SPTSSA: variants seen among roughly 807,000 people sequenced by gnomAD.
SPTSSA encodes the protein serine palmitoyltransferase small subunit A.
In SPTSSA, 8 loss-of-function variants were observed where a neutral mutation model predicts 9.1. The observed-to-expected ratio is 0.88, with a 90% CI of 0.51 to 1.58. The LOEUF is 1.58. Among genes scored for constraint, SPTSSA ranks in the 40% most tolerant of loss-of-function variants. SPTSSA has a pLI of 0.00. For missense variants in SPTSSA, 100 were observed against 93.8 expected (o/e 1.07, Z -0.27); for synonymous variants, 42 against 37.7 (o/e 1.11, Z -0.41).
chr14:34,453,006 C>CCCT (rs549688361), intron 1 of SPTSSA, among the ~76,000 whole-genome samples: 2,822 of 151,982 alleles, frequency 0.019, 90 homozygotes, highest in African/African-American at 0.065. Flanking sequence ...CAAGACCAAC[C>CCCT]CCTCCTCCTC....
chr14:34,449,375 A>AT (rs1205021783), intron 1 of SPTSSA, among the ~76,000 whole-genome samples: 1 of 151,928 alleles, frequency 6.6e-6, no homozygotes, highest in Middle Eastern at 3.2e-3. Flanking sequence ...AGCCTGGATG[A>AT]CTGAGTGATA....
At chr14:34,459,458 CA>C (rs778799046) in intron 1 of SPTSSA, among the ~76,000 whole-genome samples, 186 of 108,368 alleles carry the variant, frequency 1.7e-3, no homozygotes, top group Non-Finnish European at 1.9e-3. Flanking sequence ...GACACCGTCT[CA>C]AAAAAAAAAA....
At chr14:34,438,772 A>AT (rs1180712534) in intron 1 of SPTSSA, among the ~76,000 whole-genome samples, 1 of 152,190 alleles carries the variant, frequency 6.6e-6, no homozygotes, top group East Asian at 1.9e-4. Flanking sequence ...TTAATCAATG[A>AT]TAAATGATTA....
intron 1 of SPTSSA, among the ~76,000 whole-genome samples, chr14:34,438,282 A>T (rs1883269871): frequency 6.6e-6 from 1 of 152,056 alleles, no homozygotes; most frequent in Non-Finnish European, 1.5e-5. Context: ...AAGTATTTCA[A>T]ATTTCAGATT....
At chr14:34,456,568 G>A (rs1350337619) in intron 1 of SPTSSA, among the ~76,000 whole-genome samples, 2 of 151,954 alleles carry the variant, frequency 1.3e-5, no homozygotes, top group Non-Finnish European at 2.9e-5. Context: ...ATAGCCCAGT[G>A]ATTATAGACT....
At chr14:34,442,956 G>A (rs1364453611) in intron 1 of SPTSSA, among the ~76,000 whole-genome samples, 1 of 116,238 alleles carries the variant, frequency 8.6e-6, no homozygotes, top group Non-Finnish European at 1.8e-5. Flanking sequence ...GTCTAGGGGG[G>A]TGTGTGTGTG....
At chr14:34,443,022 G>T (rs1031536767) in intron 1 of SPTSSA, among the ~76,000 whole-genome samples, 1 of 149,580 alleles carries the variant, frequency 6.7e-6, no homozygotes, top group Non-Finnish European at 1.5e-5. Context: ...GTGTGTTTGT[G>T]TGTGTGTTTT....
chr14:34,447,139 G>A (rs575381865), intron 1 of SPTSSA, among the ~76,000 whole-genome samples: 21 of 148,422 alleles, frequency 1.4e-4, no homozygotes, highest in Non-Finnish European at 2.8e-4. Flanking sequence ...CAGGAGAATC[G>A]CTTAAATCTG....
intron 1 of SPTSSA, among the ~76,000 whole-genome samples, chr14:34,457,404 T>C (rs1196743552): frequency 6.6e-6 from 1 of 152,178 alleles, no homozygotes; most frequent in Non-Finnish European, 1.5e-5. Flanking sequence ...GGGATGCCAG[T>C]AGGGAAAGGA....
chr14:34,449,265 T>C (rs958580479), intron 1 of SPTSSA, among the ~76,000 whole-genome samples: 3 of 152,060 alleles, frequency 2.0e-5, no homozygotes, highest in South Asian at 2.1e-4. Flanking sequence ...CATGGTGATA[T>C]ATGCCTGTAG....
intron 1 of SPTSSA, among the ~76,000 whole-genome samples, chr14:34,444,569 T>C (rs1279649419): frequency 3.9e-5 from 6 of 152,010 alleles, no homozygotes; most frequent in Admixed American, 6.6e-5. Flanking sequence ...CTGGCCAACA[T>C]AGTGAAACCC....
At chr14:34,448,631 G>A (rs113455745) in intron 1 of SPTSSA, among the ~76,000 whole-genome samples, 1,665 of 152,248 alleles carry the variant, frequency 0.011, 33 homozygotes, top group African/African-American at 0.038. Flanking sequence ...TTCTGTAACC[G>A]GGCCTTTGAG....
At position 34,462,081 on chromosome 14, in the gene SPTSSA, G is replaced by T; in HGVS notation, c.112+15C>A. ...CCCCAGCCCGGCCCCCGCGCGCGCG[G>T]CCGGGACAGGATACTGAACACCGTC... On this transcript the variant is annotated intron_variant, in intron 1 of 1. Coordinates refer to ENST00000298130, the MANE Select transcript of SPTSSA (RefSeq NM_138288.4). 1 of 1,399,426 alleles carries T rather than the reference G, an allele frequency of 7.1e-7. No individual in the cohort carries two copies. Among genetic ancestry groups the T allele is most frequent in the Non-Finnish European group, 9.4e-7 (1 of 1,062,466 alleles). 86.7% of individuals were successfully genotyped at this position (1,399,426 alleles called of 1,614,324 possible).
chr14:34,457,970 G>GAAAAAAAAAA (rs1566427256), intron 1 of SPTSSA, among the ~76,000 whole-genome samples: 1 of 83,362 alleles, frequency 1.2e-5, no homozygotes, highest in African/African-American at 4.8e-5. Flanking sequence ...AGACTGTCTC[G>GAAAAAAAAAA]GAAAAAAAAA....
chr14:34,435,623 CTTTTTT>C (rs769896697), intron 1 of SPTSSA, among the ~76,000 whole-genome samples: 11 of 92,470 alleles, frequency 1.2e-4, no homozygotes, highest in South Asian at 3.8e-4. Flanking sequence ...GTTTGTTTCT[CTTTTTT>C]TTTTTTTTTT....
At chr14:34,449,536 C>G (rs976496237) in intron 1 of SPTSSA, among the ~76,000 whole-genome samples, 10 of 118,842 alleles carry the variant, frequency 8.4e-5, no homozygotes, top group Non-Finnish European at 1.5e-4. Context: ...CAATTTCTTG[C>G]TCTGTATCCA....
intron 1 of SPTSSA, among the ~76,000 whole-genome samples, chr14:34,443,621 T>C (rs952828267): frequency 2.3e-4 from 35 of 150,330 alleles, no homozygotes; most frequent in Admixed American, 4.0e-4. Flanking sequence ...CTGCAACCTC[T>C]GCCTCCCAGG....
At chr14:34,460,751 T>C (rs1381175761) in intron 1 of SPTSSA, among the ~76,000 whole-genome samples, 1 of 152,198 alleles carries the variant, frequency 6.6e-6, no homozygotes, top group Non-Finnish European at 1.5e-5. Context: ...AAGTATATAT[T>C]TTACAAGGCA....
intron 1 of SPTSSA, among the ~76,000 whole-genome samples, chr14:34,445,136 G>A (rs1463175229): frequency 6.6e-6 from 1 of 151,900 alleles, no homozygotes; most frequent in Non-Finnish European, 1.5e-5. Context: ...TACACGCAAG[G>A]TGTCTAAAAA....
Sources: gnomAD v4.1 joint callset for allele counts (sites outside exome capture counted in the v4.1 genomes callset) on GRCh38, gnomAD v4.1.1 for gene constraint, MANE v1.5 for transcripts, NCBI Gene and HGNC (gene_info 2026-07-23, HGNC 2026-07-21) for gene names.